Variants in IGSF11 observed in about 807,000 individuals in gnomAD.
The protein encoded by IGSF11 is immunoglobulin superfamily member 11.
A neutral mutation model predicts 41.0 loss-of-function variants in IGSF11; 22 were observed. The observed-to-expected ratio is 0.54, with a 90% CI of 0.38 to 0.77. The LOEUF (loss-of-function observed/expected upper bound fraction) is 0.77, where lower values mean the gene tolerates loss of function less well. Among genes scored for constraint, IGSF11 ranks in the 30% least tolerant of loss-of-function variants. The pLI is 0.00. For missense variants in IGSF11, 444 were observed against 530.8 expected (o/e 0.84, Z 1.61); for synonymous variants, 219 against 201.3 (o/e 1.09, Z -0.74).
exon 1 of IGSF11, chr3:119,105,190 C>T: frequency 6.2e-7 from 1 of 1,602,100 alleles, no homozygotes; most frequent in South Asian, 1.1e-5. Flanking sequence ...CCACCAGAGA[C>T]ATTTATTCTT....
At chr3:119,012,510 T>G (rs1329234597) in intron 1 of IGSF11, among the ~76,000 whole-genome samples, 3 of 152,176 alleles carry the variant, frequency 2.0e-5, no homozygotes, top group Non-Finnish European at 4.4e-5. Flanking sequence ...ATTTCTAAGA[T>G]CTGGCTGGCT....
chr3:118,921,930 T>C (rs1463389422), intron 4 of IGSF11, among the ~76,000 whole-genome samples: 5 of 151,956 alleles, frequency 3.3e-5, no homozygotes, highest in East Asian at 3.9e-4. Flanking sequence ...AACTTATTCA[T>C]ACTATTTCAA....
intron 1 of IGSF11, among the ~76,000 whole-genome samples, chr3:119,124,456 G>A (rs928326257): frequency 3.3e-5 from 5 of 150,266 alleles, no homozygotes. Flanking sequence ...TAGTAGAGAC[G>A]GGGTTTCACC....
At chr3:118,938,450 C>T (rs1347139308) in intron 1 of IGSF11, among the ~76,000 whole-genome samples, 1 of 152,168 alleles carries the variant, frequency 6.6e-6, no homozygotes, top group Admixed American at 6.5e-5. Context: ...TGTCTGACTC[C>T]TGTGGGCATT....
intron 1 of IGSF11, among the ~76,000 whole-genome samples, chr3:119,050,022 G>A (rs949353788): frequency 2.0e-5 from 3 of 146,780 alleles, no homozygotes; most frequent in African/African-American, 5.1e-5. Context: ...AGACTTAAAC[G>A]TTAGACCTAA....
intron 1 of IGSF11, chr3:119,105,091 A>C: frequency 1.2e-5 from 14 of 1,164,818 alleles, no homozygotes; most frequent in Non-Finnish European, 1.8e-5. Context: ...CCAGGCCATA[A>C]GAGATAATAA....
intron 1 of IGSF11, chr3:118,981,843 TTCTG>T (rs1406172550): frequency 6.6e-6 from 1 of 152,482 alleles, no homozygotes; most frequent in East Asian, 1.9e-4. Flanking sequence ...GTCTATCTCT[TTCTG>T]TCTTCTTCCC....
chr3:118,919,075 G>C (rs1026697540), intron 4 of IGSF11, among the ~76,000 whole-genome samples: 56 of 137,920 alleles, frequency 4.1e-4, no homozygotes, highest in Admixed American at 3.8e-3. Context: ...GCTGAAACTG[G>C]ATCCCTTCCT....
rs111632357 is a variant in IGSF11, at chr3:118,931,226, A to C, written c.53-951T>G. Among the ~76,000 whole-genome samples, 1,299 of 152,352 alleles carry C rather than the reference A, an allele frequency of 8.5e-3. 25 individuals are homozygous for C. The highest frequency in any genetic ancestry group is 0.03 in the African/African-American group (1,239 of 41,584). On this transcript the variant is annotated intron_variant, in intron 1 of 6. Transcript: ENST00000393775. ...TCAACAGAAAATGATCACAGACCTAAATAAAAATCAACAGAAAATGTTCAT... is the reference window on the plus strand; with the variant it reads ...TCAACAGAAAATGATCACAGACCTACATAAAAATCAACAGAAAATGTTCAT...
chr3:118,967,864 G>C (rs1945791713), intron 1 of IGSF11, among the ~76,000 whole-genome samples: 1 of 152,126 alleles, frequency 6.6e-6, no homozygotes, highest in Non-Finnish European at 1.5e-5. Flanking sequence ...CACTGAATGA[G>C]GTGGGGATTC....
chr3:119,077,505 C>G (rs2076520669), intron 1 of IGSF11, among the ~76,000 whole-genome samples: 1 of 151,952 alleles, frequency 6.6e-6, no homozygotes. Context: ...AAACCCTCAA[C>G]AAACCAAGCA....
At chr3:118,982,436 C>CA (rs1455890700) in intron 1 of IGSF11, among the ~76,000 whole-genome samples, 1 of 152,164 alleles carries the variant, frequency 6.6e-6, no homozygotes, top group Non-Finnish European at 1.5e-5. Context: ...CTGATAAACT[C>CA]ATTCACTAAT....
chr3:119,106,563 T>C (rs564672972), upstream of IGSF11, among the ~76,000 whole-genome samples: 18 of 152,304 alleles, frequency 1.2e-4, no homozygotes, highest in Admixed American at 7.8e-4. Flanking sequence ...TGAATAGTAC[T>C]CCATTGTATA....
intron 1 of IGSF11, among the ~76,000 whole-genome samples, chr3:119,024,136 G>A (rs918911264): frequency 6.6e-6 from 1 of 152,158 alleles, no homozygotes; most frequent in East Asian, 1.9e-4. Flanking sequence ...GGGAGGATAA[G>A]AGCACAATTA....
rs77310218 is a variant in IGSF11 at position 118,922,228 on chromosome 3, T to C, written c.580+3873A>G. ...AAATTTGGTCCCAGATAATTATTTG[T>C]TGCGAGGGCTTTCCTTGTGCATTAT... On this transcript the variant is annotated intron_variant, in intron 4 of 6. Transcript: ENST00000393775. Among the ~76,000 whole-genome samples the C allele has an allele frequency of 2.0e-3, 312 of 152,318 alleles. 1 individual carries two copies. The highest frequency in any genetic ancestry group is 7.2e-3 in the African/African-American group (299 of 41,584).
intron 1 of IGSF11, among the ~76,000 whole-genome samples, chr3:118,986,321 T>C (rs1478678966): frequency 6.6e-6 from 1 of 152,162 alleles, no homozygotes; most frequent in Non-Finnish European, 1.5e-5. Context: ...GTTTTCCTCA[T>C]TAGACTGTAA....
intron 1 of IGSF11, among the ~76,000 whole-genome samples, chr3:119,119,843 A>G (rs2077309063): frequency 6.6e-6 from 1 of 152,208 alleles, no homozygotes; most frequent in African/African-American, 2.4e-5. Flanking sequence ...TAAGGCTATC[A>G]TGTTAGTTGG....
chr3:118,965,676 G>A (rs1428864764), intron 1 of IGSF11, among the ~76,000 whole-genome samples: 2 of 152,000 alleles, frequency 1.3e-5, no homozygotes, highest in South Asian at 2.1e-4. Flanking sequence ...AATTTTTTAG[G>A]AGACAGAACA....
intron 1 of IGSF11, among the ~76,000 whole-genome samples, chr3:119,079,568 A>G (rs551068034): frequency 1.3e-5 from 2 of 152,330 alleles, no homozygotes; most frequent in South Asian, 4.1e-4. Flanking sequence ...ATTCTTTCAT[A>G]GAGATACGTG....
Sources: gnomAD v4.1 joint callset for allele counts (sites outside exome capture counted in the v4.1 genomes callset) on GRCh38, gnomAD v4.1.1 for gene constraint, MANE v1.5 for transcripts, NCBI Gene and HGNC (gene_info 2026-07-23, HGNC 2026-07-21) for gene names.